SLC2A13: variants seen among roughly 807,000 people sequenced by gnomAD.
The protein encoded by SLC2A13 is proton myo-inositol cotransporter.
SLC2A13 carries 32 observed loss-of-function variants against 64.4 expected under a neutral mutation model. That is an observed-to-expected ratio of 0.50 (90% CI 0.37 to 0.67). The LOEUF (loss-of-function observed/expected upper bound fraction) is 0.67. Ranked by LOEUF, SLC2A13 falls within the 30% of genes least tolerant of loss-of-function variation. The pLI, the probability that SLC2A13 is intolerant of heterozygous loss-of-function variation, is 0.00. For missense variants in SLC2A13, 743 were observed against 829.2 expected, an observed-to-expected ratio of 0.90 and a Z score of 1.28; for synonymous variants, 338 against 327.1, an observed-to-expected ratio of 1.03 and a Z score of -0.36.
intron 7 of SLC2A13, among the ~76,000 whole-genome samples, chr12:39,806,238 GAA>G (rs1245804942): frequency 2.6e-5 from 4 of 152,136 alleles, no homozygotes; most frequent in Non-Finnish European, 4.4e-5. Context: ...CTCTAATGCT[GAA>G]AGATCAGAAC....
chr12:39,759,529 T>C lies in SLC2A13; in HGVS notation c.*497A>G, dbSNP rs1258425110. 1 of 152,964 alleles carries C rather than the reference T, an allele frequency of 6.5e-6. No homozygotes were observed. Among genetic ancestry groups the C allele is most frequent in the Admixed American group, 6.6e-5 (1 of 15,244 alleles). 9.5% of individuals were successfully genotyped at this position (152,964 alleles called of 1,614,324 possible). On this transcript the variant is annotated 3_prime_UTR_variant, in exon 10 of 10. Transcript: ENST00000280871. ...TTTGTTGATGAAAGCTTACATGGAATTTAGTTTGTAACAGCTGATCAGAGA... is the reference window on the plus strand; with the variant it reads ...TTTGTTGATGAAAGCTTACATGGAACTTAGTTTGTAACAGCTGATCAGAGA...
chr12:40,077,685 G>GA (rs1403011067), intron 1 of SLC2A13, among the ~76,000 whole-genome samples: 1 of 152,122 alleles, frequency 6.6e-6, no homozygotes, highest in Non-Finnish European at 1.5e-5. Flanking sequence ...CTAATTCTGT[G>GA]AAAAATGATA....
At chr12:39,909,238 A>G (rs957138401) in intron 4 of SLC2A13, among the ~76,000 whole-genome samples, 1 of 152,096 alleles carries the variant, frequency 6.6e-6, no homozygotes, top group African/African-American at 2.4e-5. Flanking sequence ...CTTCCTAATC[A>G]TATAATTCTT....
chr12:39,865,559 C>T (rs912016316), intron 5 of SLC2A13, among the ~76,000 whole-genome samples: 4 of 151,926 alleles, frequency 2.6e-5, no homozygotes, highest in East Asian at 1.9e-4. Context: ...TTTTTGTGTC[C>T]CTTATAGACA....
At chr12:40,027,919 C>T (rs28370787) in intron 3 of SLC2A13, among the ~76,000 whole-genome samples, 3,431 of 152,078 alleles carry the variant, frequency 0.023, 140 homozygotes, top group African/African-American at 0.078. Flanking sequence ...GGTTTTCTGA[C>T]ATGGTGAATT....
At chr12:40,001,288 T>A (rs2136182341) in intron 3 of SLC2A13, among the ~76,000 whole-genome samples, 1 of 152,382 alleles carries the variant, frequency 6.6e-6, no homozygotes, top group Admixed American at 6.5e-5. Context: ...CCCTGTAATT[T>A]GTAAATTTTC....
chr12:40,018,919 G>A (rs1947664349), intron 3 of SLC2A13, among the ~76,000 whole-genome samples: 1 of 152,138 alleles, frequency 6.6e-6, no homozygotes, highest in South Asian at 2.1e-4. Flanking sequence ...TGGAGTCTGG[G>A]CACTACTGAA....
chr12:40,067,655 CTACTAA>C (rs1335804377), intron 1 of SLC2A13, among the ~76,000 whole-genome samples: 2 of 152,030 alleles, frequency 1.3e-5, no homozygotes, highest in African/African-American at 2.4e-5. Flanking sequence ...CTTCATCATT[CTACTAA>C]TACTAATTAG....
intron 3 of SLC2A13, among the ~76,000 whole-genome samples, chr12:40,021,224 A>C (rs537379005): frequency 5.9e-5 from 9 of 152,326 alleles, no homozygotes; most frequent in South Asian, 4.1e-4. Flanking sequence ...GCTCAGTGGA[A>C]AATCTCTGTG....
intron 4 of SLC2A13, 86 bp from the exon 5 acceptor site, chr12:39,872,047 G>GA (rs970794231): frequency 7.6e-6 from 9 of 1,190,608 alleles, no homozygotes; most frequent in Non-Finnish European, 1.0e-5. Flanking sequence ...TATTCAATTT[G>GA]AAAAAAATAT....
chr12:39,840,204 G>C (rs1943145352), intron 6 of SLC2A13, among the ~76,000 whole-genome samples: 2 of 151,810 alleles, frequency 1.3e-5, no homozygotes, highest in African/African-American at 4.8e-5. Flanking sequence ...GCTAATTTTT[G>C]TATTATTAGT....
intron 3 of SLC2A13, among the ~76,000 whole-genome samples, chr12:39,985,012 C>A (rs1403850860): frequency 1.3e-5 from 2 of 152,118 alleles, no homozygotes; most frequent in African/African-American, 4.8e-5. Flanking sequence ...ACCAAACCCA[C>A]CAGTTTGCTT....
At chr12:39,988,672 AGGGAAGAAGGGAGGGAGGG>A (rs1274494488) in intron 3 of SLC2A13, among the ~76,000 whole-genome samples, 4 of 94,332 alleles carry the variant, frequency 4.2e-5, no homozygotes, top group Non-Finnish European at 8.1e-5. Context: ...GGAGGGAGGG[AGGGAAGAAGGGAGGGAGGG>A]AGGAAGGAAG....
At chr12:39,762,443 A>T (rs1940191029) in intron 9 of SLC2A13, among the ~76,000 whole-genome samples, 1 of 122,466 alleles carries the variant, frequency 8.2e-6, no homozygotes, top group Non-Finnish European at 1.8e-5. Context: ...CTTTGACATA[A>T]TGCCCCCCAA....
At chr12:39,969,868 C>T (rs1946609907) in intron 3 of SLC2A13, among the ~76,000 whole-genome samples, 1 of 152,142 alleles carries the variant, frequency 6.6e-6, no homozygotes, top group Non-Finnish European at 1.5e-5. Flanking sequence ...ACATGAAGTC[C>T]TTGCCCATGC....
chr12:40,093,710 C>T (rs1313987928), intron 1 of SLC2A13, among the ~76,000 whole-genome samples: 1 of 150,380 alleles, frequency 6.6e-6, no homozygotes, highest in Non-Finnish European at 1.5e-5. Context: ...CAGAGGAAAC[C>T]GCCCATAAAA....
chr12:39,823,743 C>A (rs1942587975), intron 7 of SLC2A13, among the ~76,000 whole-genome samples: 1 of 152,178 alleles, frequency 6.6e-6, no homozygotes. Context: ...GCCACCTCAC[C>A]TGGCTTCTTC....
At chr12:39,861,902 T>A (rs558605483) in intron 6 of SLC2A13, among the ~76,000 whole-genome samples, 1 of 152,176 alleles carries the variant, frequency 6.6e-6, no homozygotes, top group East Asian at 1.9e-4. Flanking sequence ...CCAGGATACA[T>A]GTGCAGGACG....
At chr12:39,866,354 T>C (rs1943910879) in intron 5 of SLC2A13, among the ~76,000 whole-genome samples, 1 of 152,218 alleles carries the variant, frequency 6.6e-6, no homozygotes, top group Non-Finnish European at 1.5e-5. Flanking sequence ...TGCTGTTTCC[T>C]GACTCTGTGA....
Sources: allele counts gnomAD v4.1 joint callset (sites outside exome capture counted in the v4.1 genomes callset), GRCh38; gene constraint gnomAD v4.1.1; transcripts MANE v1.5; gene names NCBI Gene and HGNC (gene_info 2026-07-23, HGNC 2026-07-21).